The following GPC5 variants were observed in gnomAD, a reference collection of about 807,000 sequenced individuals.
The protein encoded by GPC5 is glypican 5.
GPC5 carries 47 observed loss-of-function variants against 53.9 expected under a neutral mutation model. That is an observed-to-expected ratio of 0.87 (90% CI 0.69 to 1.11). The LOEUF is 1.11. GPC5 is among the 50% of genes most tolerant of loss of function. The pLI is 0.00. For synonymous variants in GPC5, 286 were observed against 263.3 expected (o/e 1.09, Z -0.84); for missense variants, 748 against 713.1 (o/e 1.05, Z -0.56).
chr13:92,533,100 G>A (rs1453805179), intron 7 of GPC5, among the ~76,000 whole-genome samples: 1 of 152,004 alleles, frequency 6.6e-6, no homozygotes, highest in Admixed American at 6.6e-5. Context: ...ATTTCTTCTT[G>A]ATATTTATTA....
At chr13:92,608,093 A>G (rs559401901) in intron 7 of GPC5, among the ~76,000 whole-genome samples, 1 of 152,344 alleles carries the variant, frequency 6.6e-6, no homozygotes, top group Non-Finnish European at 1.5e-5. Flanking sequence ...TACATATAAC[A>G]TACAAAATAT....
chr13:91,714,703 T>C (rs1249138401), intron 3 of GPC5, among the ~76,000 whole-genome samples: 1 of 151,486 alleles, frequency 6.6e-6, no homozygotes, highest in Admixed American at 6.6e-5. Context: ...ATAGGGAGGA[T>C]AGGAGTTAGA....
chr13:92,756,933 TC>T (rs1169007499), intron 7 of GPC5, among the ~76,000 whole-genome samples: 2 of 151,712 alleles, frequency 1.3e-5, no homozygotes, highest in Non-Finnish European at 2.9e-5. Flanking sequence ...TTCAATGCCA[TC>T]CCCATCAAGC....
At chr13:91,941,803 G>A (rs1458426599) in intron 6 of GPC5, among the ~76,000 whole-genome samples, 1 of 152,092 alleles carries the variant, frequency 6.6e-6, no homozygotes, top group Non-Finnish European at 1.5e-5. Flanking sequence ...AATTTGATTG[G>A]TAATAAATGT....
intron 7 of GPC5, among the ~76,000 whole-genome samples, chr13:92,291,764 C>T (rs1188515093): frequency 2.0e-5 from 3 of 152,208 alleles, no homozygotes; most frequent in South Asian, 4.1e-4. Context: ...CCCTGAAGGT[C>T]TGTAGCTTCA....
intron 7 of GPC5, among the ~76,000 whole-genome samples, chr13:92,398,428 C>CAAAAAAAAAAAAAAAAAAAAA (rs35873316): frequency 5.9e-4 from 52 of 87,614 alleles, no homozygotes; most frequent in South Asian, 1.2e-3. Context: ...GACTCCGTCT[C>CAAAAAAAAAAAAAAAAAAAAA]AAAAAAAAAA....
chr13:92,849,650 A>G (rs2138842693), intron 7 of GPC5, among the ~76,000 whole-genome samples: 1 of 152,326 alleles, frequency 6.6e-6, no homozygotes, highest in African/African-American at 2.4e-5. Context: ...GTAAGTAAAA[A>G]TGGCATCTAT....
chr13:92,787,500 T>G (rs1876282125), intron 7 of GPC5, among the ~76,000 whole-genome samples: 1 of 150,926 alleles, frequency 6.6e-6, no homozygotes, highest in Admixed American at 6.6e-5. Context: ...AACAGTAAAT[T>G]AGAAGGTAAT....
chr13:91,966,487 A>G (rs1040352252), intron 6 of GPC5, among the ~76,000 whole-genome samples: 1 of 152,228 alleles, frequency 6.6e-6, no homozygotes, highest in African/African-American at 2.4e-5. Context: ...AATATTAAAC[A>G]AAAGATGTGC....
chr13:92,534,870 G>A (rs1161033423), intron 7 of GPC5, among the ~76,000 whole-genome samples: 1 of 152,032 alleles, frequency 6.6e-6, no homozygotes, highest in Non-Finnish European at 1.5e-5. Flanking sequence ...GAGGAGGATA[G>A]GAAAGGAGAA....
rs182328128 is a variant in GPC5, at chr13:92,620,145, A to C, written c.1562-246137A>C. 2.4e-3 allele frequency among the ~76,000 whole-genome samples: 367 copies of C among 152,242 alleles called. 2 individuals are homozygous for C. The highest frequency in any genetic ancestry group is 2.5e-3 in the Non-Finnish European group (171 of 67,976). ...TTAATCTTTTTAATTTTTTAAATGC[A>C]TGTATACTTTTATTAAAATTTTACA... is the stretch of plus-strand genomic sequence containing the variant. On this transcript the variant is annotated intron_variant, in intron 7 of 7. Coordinates refer to ENST00000377067, the MANE Select transcript of GPC5 (RefSeq NM_004466.6).
intron 5 of GPC5, among the ~76,000 whole-genome samples, chr13:91,799,810 T>A (rs974888739): frequency 2.0e-4 from 30 of 152,292 alleles, no homozygotes; most frequent in African/African-American, 7.0e-4. Context: ...CAAACTCAGT[T>A]CTTTTATATT....
At chr13:91,970,923 TTC>T (rs1206623775) in intron 6 of GPC5, among the ~76,000 whole-genome samples, 1 of 152,190 alleles carries the variant, frequency 6.6e-6, no homozygotes, top group Non-Finnish European at 1.5e-5. Flanking sequence ...TGGTCTAAAG[TTC>T]TCTTTTTTGG....
At chr13:91,589,355 CTCCCCA>C (rs761302092) in intron 2 of GPC5, among the ~76,000 whole-genome samples, 181 of 152,124 alleles carry the variant, frequency 1.2e-3, no homozygotes, top group Middle Eastern at 3.4e-3. Flanking sequence ...CTCTCTCTCT[CTCCCCA>C]CCACCTGTTT....
rs201679042 is a variant in GPC5, at chr13:91,693,377, T to C, written c.516T>C (p.Pro172=). The C allele has an allele frequency of 3.1e-6, 5 of 1,614,054 alleles. No individual in the cohort carries two copies. Among genetic ancestry groups the C allele is most frequent in the Non-Finnish European group, 4.2e-6 (5 of 1,180,022 alleles). ...ACAGATTTTTTGACAGTCTTTTTCC[T>C]CTGGTCTACAACCACCTCATTAACC... ...FVNRFFDSLF[P]LVYNHLINPG... Residue 172 remains proline (P), a synonymous_variant, in exon 3 of 8, where the codon CCT becomes CCC. Coordinates refer to ENST00000377067, the MANE Select transcript of GPC5 (RefSeq NM_004466.6).
intron 7 of GPC5, among the ~76,000 whole-genome samples, chr13:92,296,909 G>A (rs2043039822): frequency 6.6e-6 from 1 of 152,228 alleles, no homozygotes; most frequent in Non-Finnish European, 1.5e-5. Flanking sequence ...CCGCAGGGCA[G>A]GGCTCGGGAC....
At chr13:92,045,049 G>C (rs543355517) in intron 6 of GPC5, among the ~76,000 whole-genome samples, 1 of 152,138 alleles carries the variant, frequency 6.6e-6, no homozygotes, top group Non-Finnish European at 1.5e-5. Context: ...TATTATAGAT[G>C]CATAGTTGGT....
chr13:91,504,523 T>A (rs1236545569), intron 2 of GPC5, among the ~76,000 whole-genome samples: 4 of 152,126 alleles, frequency 2.6e-5, no homozygotes, highest in Non-Finnish European at 4.4e-5. Context: ...ATATTAGCAT[T>A]GTTCTTATAT....
intron 2 of GPC5, among the ~76,000 whole-genome samples, chr13:91,487,805 G>A (rs887411608): frequency 2.0e-5 from 3 of 151,940 alleles, no homozygotes; most frequent in Admixed American, 6.6e-5. Context: ...CCCCATTTTC[G>A]GTCCTTGTTT....
Sources: allele counts gnomAD v4.1 joint callset (sites outside exome capture counted in the v4.1 genomes callset), GRCh38; gene constraint gnomAD v4.1.1; transcripts MANE v1.5; gene names NCBI Gene and HGNC (gene_info 2026-07-23, HGNC 2026-07-21).